ADD2: variants seen among roughly 807,000 people sequenced by gnomAD.
The protein encoded by ADD2 is adducin 2, also known as beta-adducin.
Under a neutral mutation model 83.0 loss-of-function variants are expected in ADD2, and 23 were observed. The observed-to-expected ratio is 0.28, with a 90% CI of 0.20 to 0.39. ADD2 has a LOEUF of 0.39. Ranked by LOEUF, ADD2 falls within the 10% of genes least tolerant of loss-of-function variation. ADD2 has a pLI of 1.00. For missense variants in ADD2, 758 were observed against 944.9 expected (o/e 0.80, Z 2.59); for synonymous variants, 375 against 375.4 (o/e 1.00, Z 0.01).
intron 15 of ADD2, 114 bp downstream of exon 15, chr2:70,672,764 T>C: frequency 1.0e-5 from 13 of 1,246,842 alleles, no homozygotes; most frequent in South Asian, 4.7e-5. Flanking sequence ...TTCCTAGAAA[T>C]AGCAGAGGGG....
At chr2:70,665,872 A>G (rs1308443823) in intron 15 of ADD2, among the ~76,000 whole-genome samples, 1 of 150,104 alleles carries the variant, frequency 6.7e-6, no homozygotes, top group Non-Finnish European at 1.5e-5. Context: ...CTGGAGTGCA[A>G]TGGTGGAATC....
chr2:70,697,443 C>T (rs1329590099), intron 4 of ADD2, among the ~76,000 whole-genome samples: 1 of 152,196 alleles, frequency 6.6e-6, no homozygotes, highest in Non-Finnish European at 1.5e-5. Flanking sequence ...TCCCGTTAAC[C>T]ATGATGACCA....
chr2:70,747,105 G>A (rs1221105951), intron 1 of ADD2, among the ~76,000 whole-genome samples: 1 of 147,178 alleles, frequency 6.8e-6, no homozygotes, highest in Admixed American at 7.0e-5. Context: ...CCGCCTCCCA[G>A]GTTCACGCCA....
chr2:70,765,789 G>A (rs1005502054), intron 1 of ADD2, among the ~76,000 whole-genome samples: 1 of 152,108 alleles, frequency 6.6e-6, no homozygotes, highest in Non-Finnish European at 1.5e-5. Context: ...TCAGCCTCAC[G>A]CTTAAGACCA....
intron 1 of ADD2, among the ~76,000 whole-genome samples, chr2:70,738,667 T>G (rs11126291): frequency 0.062 from 9,451 of 152,274 alleles, 368 homozygotes; most frequent in East Asian, 0.17. Flanking sequence ...CAGGGACAGA[T>G]GTGGATTCCA....
In ADD2 at chr2:70,732,668, C is replaced by T. The variant is rs148544635; in HGVS notation, c.-153-19484G>A. 3.4e-4 allele frequency among the ~76,000 whole-genome samples: 52 copies of T among 152,192 alleles called. No homozygotes were observed. In the East Asian group the frequency reaches 7.4e-3, roughly 22 times the overall value. On this transcript the variant is annotated intron_variant, in intron 1 of 15. Transcript: ENST00000264436. ...TCTAGAGCCAGAGCAGTAAGGTCCC[C>T]GGGGGCTGGGAGGTTGTTGCCTCTA...
chr2:70,749,222 A>G (rs375848771), intron 1 of ADD2, among the ~76,000 whole-genome samples: 2 of 152,146 alleles, frequency 1.3e-5, no homozygotes, highest in African/African-American at 2.4e-5. Context: ...CTCACTCACT[A>G]TCAGGAGAAC....
intron 1 of ADD2, among the ~76,000 whole-genome samples, chr2:70,714,664 G>A (rs188505122): frequency 1.3e-5 from 2 of 152,292 alleles, no homozygotes; most frequent in East Asian, 3.9e-4. Context: ...CAGGGTCCTA[G>A]CCACCACTTG....
At chr2:70,694,563 C>A (rs1431592899) in intron 6 of ADD2, among the ~76,000 whole-genome samples, 1 of 152,180 alleles carries the variant, frequency 6.6e-6, no homozygotes, top group Non-Finnish European at 1.5e-5. Context: ...CAAATGCATG[C>A]ACAGGGCTCT....
chr2:70,704,897 G>A (rs1553374165), intron 3 of ADD2, among the ~76,000 whole-genome samples: 2 of 152,154 alleles, frequency 1.3e-5, no homozygotes, highest in Non-Finnish European at 2.9e-5. Context: ...AGGGTAGGAG[G>A]AAGAACAGGA....
intron 15 of ADD2, among the ~76,000 whole-genome samples, chr2:70,672,458 T>A (rs1481697285): frequency 6.6e-6 from 1 of 152,222 alleles, no homozygotes; most frequent in African/African-American, 2.4e-5. Flanking sequence ...AGGTTGAGTA[T>A]GACATCATTA....
At chr2:70,738,275 C>A (rs929510528) in intron 1 of ADD2, among the ~76,000 whole-genome samples, 1 of 152,110 alleles carries the variant, frequency 6.6e-6, no homozygotes, top group Admixed American at 6.5e-5. Context: ...TAAAAACCAA[C>A]GTCAATTCAC....
At chr2:70,695,629 G>T in intron 6 of ADD2, 92 bp downstream of exon 6, 3 of 1,221,570 alleles carry the variant, frequency 2.5e-6, no homozygotes, top group Admixed American at 1.8e-5. Context: ...CAGCGCAACA[G>T]TGACCAATTT....
intron 1 of ADD2, among the ~76,000 whole-genome samples, chr2:70,736,975 T>C (rs1382496833): frequency 4.6e-5 from 7 of 152,030 alleles, no homozygotes; most frequent in African/African-American, 1.7e-4. Flanking sequence ...CATGAAAAAA[T>C]GCTCATCATC....
chr2:70,754,533 G>T (rs954012623), intron 1 of ADD2, among the ~76,000 whole-genome samples: 1 of 151,820 alleles, frequency 6.6e-6, no homozygotes, highest in African/African-American at 2.4e-5. Context: ...ACTCCTCCTT[G>T]TTACTCTCCT....
chr2:70,686,902 C>T (rs1670756256), intron 9 of ADD2, among the ~76,000 whole-genome samples: 1 of 152,210 alleles, frequency 6.6e-6, no homozygotes, highest in South Asian at 2.1e-4. Context: ...ACTGCAGAGC[C>T]TCCACCAGCG....
At chr2:70,715,278 G>C (rs1264234883) in intron 1 of ADD2, among the ~76,000 whole-genome samples, 6 of 152,136 alleles carry the variant, frequency 3.9e-5, no homozygotes, top group African/African-American at 9.7e-5. Flanking sequence ...CATCCTGGGG[G>C]AGTTTAGATA....
At position 70,659,145 on chromosome 2, in the gene ADD2, T is replaced by TAAAAAAAAAAAAAAAAAAAA. The variant is rs56006250; in HGVS notation, c.*4260_*4279dup. ...GGGCAACAAAGAGCAAAGCTCCGTCTAAAAAAAAAAAAAAAAAAAAAAAAA... is the reference window on the plus strand; with the variant it reads ...GGGCAACAAAGAGCAAAGCTCCGTCTAAAAAAAAAAAAAAAAAAAAAAAAAAAAAAAAAAAAAAAAAAAAA... On this transcript the variant is annotated 3_prime_UTR_variant, in exon 16 of 16. Transcript: ENST00000264436. The TAAAAAAAAAAAAAAAAAAAA allele has an allele frequency of 1.3e-5, 1 of 74,670 alleles. No homozygotes were observed. Among genetic ancestry groups the TAAAAAAAAAAAAAAAAAAAA allele is most frequent in the Non-Finnish European group, 2.5e-5 (1 of 39,952 alleles). The allele number at this position is 74,670 out of a possible 1,614,324, so 4.6% of individuals were successfully genotyped here.
At position 70,735,817 on chromosome 2, in the gene ADD2, G is replaced by A. The variant is rs535214953; in HGVS notation, c.-153-22633C>T. ...GCTCACTGCAACCTCCGCCTCCTGG[G>A]TTCAAACAATTCTGCCTTAGGTGCC... is the stretch of plus-strand genomic sequence containing the variant. On this transcript the variant is annotated intron_variant, in intron 1 of 15. Transcript: ENST00000264436. 4.1e-3 allele frequency among the ~76,000 whole-genome samples: 585 copies of A among 143,792 alleles called. 3 individuals carry two copies. The highest frequency in any genetic ancestry group is 0.015 in the African/African-American group (560 of 38,208). The allele number at this position is 143,792 out of a possible 152,430, so 94.3% of individuals were successfully genotyped here.
Sources: gnomAD v4.1 joint callset for allele counts (sites outside exome capture counted in the v4.1 genomes callset) on GRCh38, gnomAD v4.1.1 for gene constraint, MANE v1.5 for transcripts, NCBI Gene and HGNC (gene_info 2026-07-23, HGNC 2026-07-21) for gene names.